CENPP: variants seen among roughly 807,000 people sequenced by gnomAD.
CENPP encodes centromere protein P.
A neutral mutation model predicts 35.6 loss-of-function variants in CENPP; 24 were observed. The observed-to-expected ratio is 0.67, with a 90% CI of 0.49 to 0.95. CENPP has a LOEUF of 0.95. CENPP is among the 40% of genes least tolerant of loss of function. The pLI, the probability that CENPP is intolerant of heterozygous loss-of-function variation, is 0.00. For missense variants in CENPP, 332 were observed against 345.3 expected (o/e 0.96, Z 0.31); for synonymous variants, 120 against 125.5 (o/e 0.96, Z 0.29).
At chr9:92,455,128 G>A (rs1844836298) in intron 5 of CENPP, among the ~76,000 whole-genome samples, 1 of 152,288 alleles carries the variant, frequency 6.6e-6, no homozygotes, top group Admixed American at 6.5e-5. Flanking sequence ...TGGATGCAGT[G>A]GCTCATGCCT....
chr9:92,434,250 G>T (rs1844191819), intron 5 of CENPP, among the ~76,000 whole-genome samples: 1 of 151,806 alleles, frequency 6.6e-6, no homozygotes, highest in South Asian at 2.1e-4. Flanking sequence ...TTAGCTGGGT[G>T]TGGTGGTGCA....
At chr9:92,475,709 C>G (rs1256663937) in intron 5 of CENPP, among the ~76,000 whole-genome samples, 1 of 152,220 alleles carries the variant, frequency 6.6e-6, no homozygotes, top group African/African-American at 2.4e-5. Context: ...ACCTCACTCT[C>G]ATAGTTGGTC....
At chr9:92,400,577 A>T (rs934697947) in intron 5 of CENPP, among the ~76,000 whole-genome samples, 16 of 152,056 alleles carry the variant, frequency 1.1e-4, no homozygotes, top group African/African-American at 3.9e-4. Flanking sequence ...GGTTTTTGTC[A>T]TGTTTTCATG....
intron 5 of CENPP, among the ~76,000 whole-genome samples, chr9:92,587,375 A>C (rs1451330399): frequency 6.6e-6 from 1 of 152,052 alleles, no homozygotes; most frequent in East Asian, 1.9e-4. Context: ...AGGCTGAGAC[A>C]GGAGAGTCAC....
chr9:92,546,945 C>T (rs1365318226), intron 5 of CENPP, among the ~76,000 whole-genome samples: 1 of 152,126 alleles, frequency 6.6e-6, no homozygotes, highest in Admixed American at 6.5e-5. Context: ...TTTTTAAGAC[C>T]AGCATAACTA....
intron 5 of CENPP, among the ~76,000 whole-genome samples, chr9:92,480,033 TTTTGAG>T (rs1845857306): frequency 6.6e-6 from 1 of 152,202 alleles, no homozygotes; most frequent in Non-Finnish European, 1.5e-5. Context: ...GGCTGTTTTA[TTTTGAG>T]TTTATTAATG....
chr9:92,474,822 G>A, intron 5 of CENPP: 1 of 1,613,730 alleles, frequency 6.2e-7, no homozygotes, highest in South Asian at 1.1e-5. Context: ...ATATTCTTCA[G>A]TGCGATGTGT....
In CENPP at chr9:92,385,332, A is replaced by G. The variant is rs373695984; in HGVS notation, c.564+5473A>G. 1.2e-4 allele frequency: 30 copies of G among 259,500 alleles called. No homozygotes were observed. In the East Asian group the frequency reaches 1.5e-3, roughly 13 times the overall value. The allele number at this position is 259,500 out of a possible 1,614,324, so 16.1% of individuals were successfully genotyped here. On this transcript the variant is annotated intron_variant, in intron 5 of 7. Coordinates refer to ENST00000375587, the MANE Select transcript of CENPP (RefSeq NM_001012267.3). Reference sequence around the variant, plus strand: ...TAGTAATAGGAATAATGCATCTCAAATTTGGGCATTTATATAAAAACATGA... The same window carrying G: ...TAGTAATAGGAATAATGCATCTCAAGTTTGGGCATTTATATAAAAACATGA...
At chr9:92,507,047 G>C (rs576800610) in intron 5 of CENPP, among the ~76,000 whole-genome samples, 74 of 152,122 alleles carry the variant, frequency 4.9e-4, no homozygotes, top group African/African-American at 1.7e-3. Context: ...ATCTGGCATT[G>C]CAGGCCCCCA....
At chr9:92,592,332 C>T (rs923396590) in intron 5 of CENPP, among the ~76,000 whole-genome samples, 1 of 152,158 alleles carries the variant, frequency 6.6e-6, no homozygotes, top group Non-Finnish European at 1.5e-5. Context: ...ACTGCTGGCT[C>T]CTGACAGCAG....
chr9:92,522,872 A>AT (rs757724013), intron 5 of CENPP: 18 of 1,586,080 alleles, frequency 1.1e-5, no homozygotes, highest in East Asian at 2.2e-5. Context: ...TTCATGTTTG[A>AT]TTTTTTTCCA....
At chr9:92,417,819 C>T (rs1843665114) in intron 5 of CENPP, among the ~76,000 whole-genome samples, 1 of 152,056 alleles carries the variant, frequency 6.6e-6, no homozygotes, top group African/African-American at 2.4e-5. Context: ...CCCAGGCTCC[C>T]AGGTTCAAGC....
intron 5 of CENPP, among the ~76,000 whole-genome samples, chr9:92,390,673 A>G (rs141111298): frequency 2.1e-4 from 32 of 152,312 alleles, no homozygotes; most frequent in African/African-American, 7.0e-4. Context: ...ATCATGTTCT[A>G]TAAAATTACC....
At chr9:92,487,052 G>GA (rs1846075926) in intron 5 of CENPP, among the ~76,000 whole-genome samples, 1 of 152,182 alleles carries the variant, frequency 6.6e-6, no homozygotes, top group Non-Finnish European at 1.5e-5. Context: ...AAAGCGCTAG[G>GA]ATTACAGGTG....
At position 92,616,340 on chromosome 9, in the gene CENPP, C is replaced by T. The variant is rs536006154; in HGVS notation, c.*3191C>T. On this transcript the variant is annotated 3_prime_UTR_variant, in exon 8 of 8. Coordinates refer to ENST00000375587, the MANE Select transcript of CENPP (RefSeq NM_001012267.3). ...AGCTTCCTCAGGCCAGTGCACCCCACCATACCAGGCGAGAGAGGGTTAAAG... is the reference window on the plus strand; with the variant it reads ...AGCTTCCTCAGGCCAGTGCACCCCATCATACCAGGCGAGAGAGGGTTAAAG... 314 of 353,204 alleles carry T rather than the reference C, an allele frequency of 8.9e-4. 3 individuals carry two copies. In the South Asian group the frequency reaches 0.011, roughly 13 times the overall value. The allele number at this position is 353,204 out of a possible 1,614,324, so 21.9% of individuals were successfully genotyped here.
At chr9:92,523,813 G>A (rs1032049861) in intron 5 of CENPP, among the ~76,000 whole-genome samples, 1 of 152,188 alleles carries the variant, frequency 6.6e-6, no homozygotes, top group African/African-American at 2.4e-5. Context: ...TTATAGATAA[G>A]AGAGCAGGTT....
intron 5 of CENPP, among the ~76,000 whole-genome samples, chr9:92,505,261 A>T (rs1397744906): frequency 1.3e-5 from 2 of 152,292 alleles, no homozygotes; most frequent in South Asian, 2.1e-4. Context: ...TTGTGGTTTC[A>T]TTTAAATTCT....
chr9:92,472,323 C>T (rs1041860446), intron 5 of CENPP, among the ~76,000 whole-genome samples: 2 of 151,794 alleles, frequency 1.3e-5, no homozygotes, highest in Non-Finnish European at 2.9e-5. Flanking sequence ...TGCCACTGCA[C>T]TCCAGCCTGG....
intron 1 of CENPP, among the ~76,000 whole-genome samples, chr9:92,331,201 G>A (rs1840735152): frequency 6.6e-6 from 1 of 151,546 alleles, no homozygotes; most frequent in South Asian, 2.1e-4. Context: ...ATTTTTTTGA[G>A]AGGGAGTCTC....
Sources: allele counts gnomAD v4.1 joint callset (sites outside exome capture counted in the v4.1 genomes callset), GRCh38; gene constraint gnomAD v4.1.1; transcripts MANE v1.5; gene names NCBI Gene and HGNC (gene_info 2026-07-23, HGNC 2026-07-21).